The following DIAPH2 variants were observed in gnomAD, a reference collection of about 807,000 sequenced individuals.
The protein encoded by DIAPH2 is diaphanous related formin 2, also known as protein diaphanous homolog 2.
Under a neutral mutation model 92.7 loss-of-function variants are expected in DIAPH2, and 35 were observed. The ratio of observed to expected loss-of-function variants is 0.38; its 90% CI spans 0.29 to 0.50. DIAPH2 has a LOEUF of 0.50. Ranked by LOEUF, DIAPH2 falls within the 20% of genes least tolerant of loss-of-function variation. The probability of loss-of-function intolerance (pLI) is 0.94; values close to 1 mark genes in which losing one functional copy is unlikely to be tolerated. For missense variants in DIAPH2, 701 were observed against 819.5 expected (o/e 0.86, Z 1.77); for synonymous variants, 301 against 280.4 (o/e 1.07, Z -0.73).
intron 23 of DIAPH2, among the ~76,000 whole-genome samples, chrX:97,322,903 CTTTTTTTTTTT>C: frequency 1.3e-5 from 1 of 76,900 alleles, no homozygotes; most frequent in Non-Finnish European, 2.5e-5. Context: ...TATCCCAGTT[CTTTTTTTTTTT>C]TTTTTTTTTG....
At chrX:97,147,257 T>A (rs1246927843) in intron 22 of DIAPH2, among the ~76,000 whole-genome samples, 1 of 111,198 alleles carries the variant, frequency 9.0e-6, no homozygotes, top group Non-Finnish European at 1.9e-5. Flanking sequence ...GGCATACCAA[T>A]TAGTCTTTAG....
intron 19 of DIAPH2, among the ~76,000 whole-genome samples, chrX:97,076,101 G>A (rs990670227): frequency 4.5e-5 from 5 of 112,245 alleles, no homozygotes; most frequent in African/African-American, 1.6e-4. Context: ...GGTATGTCTG[G>A]CCCTGTCTGG....
intron 19 of DIAPH2, among the ~76,000 whole-genome samples, chrX:97,079,243 C>A (rs912304632): frequency 9.0e-6 from 1 of 110,902 alleles, no homozygotes; most frequent in Non-Finnish European, 1.9e-5. Flanking sequence ...GAATGCTGAG[C>A]TATTGAGTTT....
At chrX:97,279,458 C>T (rs1260039534) in intron 23 of DIAPH2, among the ~76,000 whole-genome samples, 1 of 109,728 alleles carries the variant, frequency 9.1e-6, no homozygotes, top group Non-Finnish European at 1.9e-5. Context: ...TGCCCACCAC[C>T]ATACCTGGCT....
chrX:97,368,899 CTTTTTTTTTTT>C (rs386417287), intron 24 of DIAPH2, among the ~76,000 whole-genome samples: 1 of 52,058 alleles, frequency 1.9e-5, no homozygotes, highest in Admixed American at 3.5e-4. Context: ...TCTACCCTTT[CTTTTTTTTTTT>C]TTTTTTTTTT....
In DIAPH2 at chrX:97,293,929, T is replaced by C. The variant is rs192426959; in HGVS notation, c.2844+46090T>C. 7.1e-3 allele frequency among the ~76,000 whole-genome samples: 796 copies of C among 112,218 alleles called. 9 individuals carry two copies. Among genetic ancestry groups the C allele is most frequent in the African/African-American group, 0.025 (768 of 30,942 alleles). On this transcript the variant is annotated intron_variant, in intron 23 of 26. Transcript: ENST00000324765. ...AACTTACCTTATTTCTTTTATGATA[T>C]TAATATGTTCGAAGTATCAAGTAAA...
At chrX:97,442,549 C>G (rs2070270516) in intron 26 of DIAPH2, 1 of 112,592 alleles carries the variant, frequency 8.9e-6, no homozygotes, top group Non-Finnish European at 1.9e-5. Flanking sequence ...GGGAAAGTTT[C>G]TCTCATACAG....
intron 20 of DIAPH2, among the ~76,000 whole-genome samples, chrX:97,111,245 G>A (rs992483068): frequency 8.0e-5 from 9 of 111,882 alleles, no homozygotes; most frequent in Non-Finnish European, 1.7e-4. Context: ...CCCACTTTAC[G>A]ATGGGGAAAC....
intron 26 of DIAPH2, among the ~76,000 whole-genome samples, chrX:97,549,058 A>T (rs1392785049): frequency 8.9e-6 from 1 of 112,583 alleles, no homozygotes; most frequent in Non-Finnish European, 1.9e-5. Flanking sequence ...AAAGAAAAAG[A>T]AACTAATTTT....
chrX:97,554,492 A>G (rs764066144), intron 26 of DIAPH2, among the ~76,000 whole-genome samples: 8 of 112,098 alleles, frequency 7.1e-5, no homozygotes, highest in African/African-American at 2.3e-4. Context: ...TATACACTGA[A>G]TAAATCATGA....
intron 4 of DIAPH2, among the ~76,000 whole-genome samples, chrX:96,776,596 A>G (rs1459009750): frequency 9.2e-6 from 1 of 108,625 alleles, no homozygotes; most frequent in Non-Finnish European, 1.9e-5. Context: ...TATTATATAT[A>G]GTATATAAAT....
chrX:96,796,736 T>C (rs1304639053), intron 4 of DIAPH2, among the ~76,000 whole-genome samples: 3 of 112,053 alleles, frequency 2.7e-5, no homozygotes, highest in East Asian at 5.6e-4. Flanking sequence ...CCCCCATCTT[T>C]TTTATTCTTC....
intron 5 of DIAPH2, among the ~76,000 whole-genome samples, chrX:96,892,227 A>G (rs2065312195): frequency 8.9e-6 from 1 of 112,035 alleles, no homozygotes; most frequent in East Asian, 2.8e-4. Flanking sequence ...ACTAACTATG[A>G]AAGATGGAAT....
chrX:97,137,620 C>T (rs150683440), intron 21 of DIAPH2, among the ~76,000 whole-genome samples: 3,174 of 109,422 alleles, frequency 0.029, 122 homozygotes, highest in Admixed American at 0.15. Context: ...ATTTTCTTGG[C>T]GGATAAAAAG....
At chrX:96,686,838 G>C (rs2063773595) in intron 1 of DIAPH2, among the ~76,000 whole-genome samples, 1 of 111,786 alleles carries the variant, frequency 8.9e-6, no homozygotes, top group Non-Finnish European at 1.9e-5. Context: ...AAGTTTGCTA[G>C]TAAGATACAA....
chrX:97,469,919 C>A, intron 26 of DIAPH2: 1 of 782,274 alleles, frequency 1.3e-6, no homozygotes, highest in East Asian at 3.8e-5. Context: ...ATACCGATTT[C>A]ATGATGGTTA....
At chrX:97,497,350 C>T (rs1231613753) in intron 26 of DIAPH2, among the ~76,000 whole-genome samples, 1 of 110,573 alleles carries the variant, frequency 9.0e-6, no homozygotes, top group Non-Finnish European at 1.9e-5. Flanking sequence ...GCTGCCCCCA[C>T]CCCCACGCCT....
At chrX:96,959,534 A>G (rs116340964) in intron 16 of DIAPH2, among the ~76,000 whole-genome samples, 3,911 of 111,390 alleles carry the variant, frequency 0.035, 166 homozygotes, top group African/African-American at 0.12. Flanking sequence ...CCATTGTTGG[A>G]TAGTTTGCAG....
intron 4 of DIAPH2, among the ~76,000 whole-genome samples, chrX:96,799,737 G>T (rs233661): frequency 9.1e-5 from 10 of 109,518 alleles, no homozygotes; most frequent in Non-Finnish European, 1.5e-4. Flanking sequence ...GAACCCAGGA[G>T]GCAGAGGTTG....
Sources: gnomAD v4.1 joint callset for allele counts (sites outside exome capture counted in the v4.1 genomes callset) on GRCh38, gnomAD v4.1.1 for gene constraint, MANE v1.5 for transcripts, NCBI Gene and HGNC (gene_info 2026-07-23, HGNC 2026-07-21) for gene names.